NSD1: variants seen among roughly 807,000 people sequenced by gnomAD.
NSD1 encodes nuclear receptor binding SET domain protein 1.
Under a neutral mutation model 242.7 loss-of-function variants are expected in NSD1, and 26 were observed. That is an observed-to-expected ratio of 0.11 (90% CI 0.08 to 0.15). The LOEUF (loss-of-function observed/expected upper bound fraction) is 0.15, where lower values mean the gene tolerates loss of function less well. Ranked by LOEUF, NSD1 falls within the 10% of genes least tolerant of loss-of-function variation. The pLI is 1.00. For missense variants in NSD1, 2,495 were observed against 3,272.8 expected (o/e 0.76, Z 5.80); for synonymous variants, 1,106 against 1,178.1 (o/e 0.94, Z 1.25).
chr5:177,139,331 G>A (rs1756614655), intron 2 of NSD1, among the ~76,000 whole-genome samples: 1 of 148,016 alleles, frequency 6.8e-6, no homozygotes, highest in African/African-American at 2.5e-5. Context: ...GGGCGTGGTG[G>A]CAGGCTCGGG....
chr5:177,280,524 C>A (rs752878951), intron 17 of NSD1, 41 bp from the exon 18 acceptor site: 1 of 1,613,858 alleles, frequency 6.2e-7, no homozygotes, highest in African/African-American at 1.3e-5. Flanking sequence ...TTGTCTTCTG[C>A]TGACTTGTTT....
intron 5 of NSD1, among the ~76,000 whole-genome samples, chr5:177,223,341 T>G (rs1282918095): frequency 6.6e-6 from 1 of 152,032 alleles, no homozygotes; most frequent in East Asian, 1.9e-4. Flanking sequence ...GGGAGGCTGA[T>G]GCGGGCAGAT....
rs1400493526 is a variant in NSD1, at chr5:177,294,629, C to T, written c.7261C>T (p.Pro2421Ser). 2 of 1,614,188 alleles carry T rather than the reference C, an allele frequency of 1.2e-6. No homozygotes were observed. Among genetic ancestry groups the T allele is most frequent in the South Asian group, 1.1e-5 (1 of 91,084 alleles). ...CTCTTTGTCCCAGAGACTCCCACCT[C>T]CTGAGAAAGTACTATCAGCTGTGGT... ...HASLSQRLPP[P>S]EKVLSAVVQT... is the part of the protein sequence containing the mutation. The change falls in exon 23 of 23, where the codon CCT (proline) becomes TCT (serine). Residue 2421 changes from proline (P) to serine (S), a missense_variant. Pro to Ser is a moderately conservative substitution (Grantham distance 74). Transcript: ENST00000439151.
chr5:177,217,883 T>C (rs977284182), intron 5 of NSD1, among the ~76,000 whole-genome samples: 6 of 152,016 alleles, frequency 3.9e-5, no homozygotes, highest in Non-Finnish European at 7.4e-5. Flanking sequence ...TTGGTCAGGC[T>C]AGTCTCGAAC....
intron 3 of NSD1, among the ~76,000 whole-genome samples, chr5:177,202,246 A>G (rs778068078): frequency 1.3e-5 from 2 of 149,052 alleles, no homozygotes; most frequent in Non-Finnish European, 3.0e-5. Context: ...TTTAAGAAAT[A>G]AGTGTTTATT....
chr5:177,285,598 CGTT>C lies in NSD1; in HGVS notation c.6151+1673_6151+1675del, dbSNP rs918780020. On this transcript the variant is annotated intron_variant, in intron 20 of 22. Transcript: ENST00000439151. Reference sequence around the variant, plus strand: ...AAAAAAAAAAAAAAATTTGTATAAACGTTGTACATTTTGAAATGTACAAGAAAG... The same window carrying C: ...AAAAAAAAAAAAAAATTTGTATAAACGTACATTTTGAAATGTACAAGAAAG... Among the ~76,000 whole-genome samples, 9 of 143,624 alleles carry C rather than the reference CGTT, an allele frequency of 6.3e-5. No homozygotes were observed. The East Asian group carries it at 1.6e-3, about 26-fold the overall frequency. 94.2% of individuals were successfully genotyped at this position (143,624 alleles called of 152,430 possible). A position where few individuals can be genotyped will look rare whatever the true frequency, so the allele number is the denominator to read the frequency against.
chr5:177,267,820 C>CA (rs1757618946), intron 15 of NSD1, 102 bp downstream of exon 15: 5 of 1,128,702 alleles, frequency 4.4e-6, no homozygotes, highest in Non-Finnish European at 6.7e-6. Context: ...CTTAATTACT[C>CA]ATGGTACTCC....
At chr5:177,244,322 C>A in intron 9 of NSD1, 52 bp downstream of exon 9, 1 of 1,305,754 alleles carries the variant, frequency 7.7e-7, no homozygotes, top group Non-Finnish European at 1.1e-6. Context: ...GTTTGAAGTG[C>A]TTTGTCTGTT....
At chr5:177,289,029 A>G in intron 21 of NSD1, 104 bp downstream of exon 21, 1 of 874,734 alleles carries the variant, frequency 1.1e-6, no homozygotes, top group South Asian at 1.4e-5. Flanking sequence ...TTTGAAATTA[A>G]TGACATTCAG....
intron 8 of NSD1, among the ~76,000 whole-genome samples, chr5:177,240,440 G>A (rs995577916): frequency 1.3e-5 from 2 of 152,068 alleles, no homozygotes; most frequent in Non-Finnish European, 1.5e-5. Context: ...GTGGCCGGGC[G>A]CAGTGGCTCA....
In NSD1 at chr5:177,161,598, C is replaced by T. The variant is rs191776007; in HGVS notation, c.927+25568C>T. On this transcript the variant is annotated intron_variant, in intron 2 of 22. Transcript: ENST00000439151. ...TCTAGGCCTCTATTTTTTGTGCAAA[C>T]GATTGAAATTATATTTTTTTTACCT... is the stretch of plus-strand genomic sequence containing the variant. Among the ~76,000 whole-genome samples, 11 of 151,840 alleles carry T rather than the reference C, an allele frequency of 7.2e-5. No homozygotes were observed. The South Asian group carries it at 1.2e-3, about 17-fold the overall frequency.
At position 177,273,696 on chromosome 5, in the gene NSD1, T is replaced by G; in HGVS notation, c.5534T>G (p.Phe1845Cys). The G allele has an allele frequency of 6.2e-7, 1 of 1,613,458 alleles. No homozygotes were observed. Among genetic ancestry groups the G allele is most frequent in the Non-Finnish European group, 8.5e-7 (1 of 1,179,664 alleles). ...KKALQEAAAR[F>C]EELKAQKELR... is the part of the protein sequence containing the mutation. Reference sequence around the variant, plus strand: ...GCTCTTCAGGAAGCTGCAGCAAGGTTTGAGGAATTAAAGGCCCAAAAAGAG... The same window carrying G: ...GCTCTTCAGGAAGCTGCAGCAAGGTGTGAGGAATTAAAGGCCCAAAAAGAG... Residue 1845 changes from phenylalanine (F) to cysteine (C), a missense_variant, in exon 17 of 23, where the codon TTT (phenylalanine) becomes TGT (cysteine). This residue lies in a region of NSD1 where 114 missense variants were observed against 247.4 expected (regional missense o/e 0.46). Coordinates refer to ENST00000439151, the MANE Select transcript of NSD1 (RefSeq NM_022455.5).
intron 5 of NSD1, among the ~76,000 whole-genome samples, chr5:177,229,548 A>G (rs1672221004): frequency 6.6e-6 from 1 of 152,014 alleles, no homozygotes; most frequent in African/African-American, 2.4e-5. Flanking sequence ...TTCCTGATAT[A>G]TTCTTTATCT....
At chr5:177,194,578 T>C (rs1761951397) in intron 3 of NSD1, among the ~76,000 whole-genome samples, 1 of 136,602 alleles carries the variant, frequency 7.3e-6, no homozygotes, top group Non-Finnish European at 1.6e-5. Flanking sequence ...TCACCATGCC[T>C]CTTTTTTTTT....
At chr5:177,290,054 TC>T (rs1430974535) in intron 21 of NSD1, among the ~76,000 whole-genome samples, 2 of 151,832 alleles carry the variant, frequency 1.3e-5, no homozygotes, top group Non-Finnish European at 2.9e-5. Context: ...GGTCTCGATC[TC>T]CTGACCTCGT....
intron 9 of NSD1, among the ~76,000 whole-genome samples, chr5:177,245,578 C>A (rs946578824): frequency 6.6e-6 from 1 of 151,790 alleles, no homozygotes; most frequent in African/African-American, 2.4e-5. Context: ...GTTTCTATAA[C>A]ACAGTTGAAA....
At chr5:177,261,387 T>C (rs1165361481) in intron 14 of NSD1, among the ~76,000 whole-genome samples, 9 of 152,040 alleles carry the variant, frequency 5.9e-5, no homozygotes, top group Admixed American at 2.0e-4. Flanking sequence ...GGCCATTTTA[T>C]TCATTTTTAA....
intron 15 of NSD1, among the ~76,000 whole-genome samples, chr5:177,268,863 C>T (rs1757727330): frequency 6.6e-6 from 1 of 152,088 alleles, no homozygotes; most frequent in South Asian, 2.1e-4. Context: ...TTTATGTAGT[C>T]ACATAATGTC....
chr5:177,230,437 G>C (rs551524396), intron 5 of NSD1, among the ~76,000 whole-genome samples: 2 of 152,228 alleles, frequency 1.3e-5, no homozygotes, highest in Non-Finnish European at 2.9e-5. Flanking sequence ...ATTGTGAGCT[G>C]CAAGGAAATA....
Sources: gnomAD v4.1 joint callset for allele counts (sites outside exome capture counted in the v4.1 genomes callset) on GRCh38, gnomAD v4.1.1 for gene constraint, gnomAD v4.1.1 regional missense constraint, MANE v1.5 for transcripts, NCBI Gene and HGNC (gene_info 2026-07-23, HGNC 2026-07-21) for gene names.